The following LAMA2 variants were observed in gnomAD, a reference collection of about 807,000 sequenced individuals.
The protein encoded by LAMA2 is laminin subunit alpha 2, also known as laminin subunit alpha-2.
LAMA2 carries 269 observed loss-of-function variants against 364.8 expected under a neutral mutation model. The observed-to-expected ratio is 0.74, with a 90% CI of 0.67 to 0.82. LAMA2 has a LOEUF of 0.82. LAMA2 is among the 40% of genes least tolerant of loss of function. LAMA2 has a pLI of 0.00. For missense variants in LAMA2, 3,807 were observed against 3,873.2 expected, an observed-to-expected ratio of 0.98 and a Z score of 0.45; for synonymous variants, 1,379 against 1,370.6, an observed-to-expected ratio of 1.01 and a Z score of -0.14.
intron 12 of LAMA2, among the ~76,000 whole-genome samples, chr6:129,201,928 G>A (rs1450909843): frequency 6.6e-6 from 1 of 152,096 alleles, no homozygotes; most frequent in Non-Finnish European, 1.5e-5. Context: ...GGTGGCTCAT[G>A]CCTGTAATCC....
chr6:129,124,347 T>A (rs1243115047), intron 4 of LAMA2, among the ~76,000 whole-genome samples: 1 of 152,186 alleles, frequency 6.6e-6, no homozygotes, highest in Non-Finnish European at 1.5e-5. Flanking sequence ...AAGGGTAGGT[T>A]TACTCATAGC....
intron 18 of LAMA2, 52 bp from the exon 19 acceptor site, chr6:129,287,795 T>G: frequency 7.3e-7 from 1 of 1,375,676 alleles, no homozygotes; most frequent in Non-Finnish European, 1.0e-6. Flanking sequence ...ATGTAAACAT[T>G]GCCCCAACTG....
In LAMA2 at chr6:129,053,161, C is replaced by T. The variant is rs1266699545; in HGVS notation, c.283+3073C>T. 3.3e-5 allele frequency among the ~76,000 whole-genome samples: 5 copies of T among 152,226 alleles called. No individual in the cohort carries two copies. The East Asian group carries it at 9.6e-4, about 29-fold the overall frequency. ...TGGCACGACCTCGGCTCACCGCAACCTCCGCCTCCCGGGTTCAAGAGATTC... is the reference window on the plus strand; with the variant it reads ...TGGCACGACCTCGGCTCACCGCAACTTCCGCCTCCCGGGTTCAAGAGATTC... On this transcript the variant is annotated intron_variant, in intron 2 of 64. Transcript: ENST00000421865.
chr6:129,139,694 C>T (rs936038543), intron 4 of LAMA2, among the ~76,000 whole-genome samples: 4 of 151,912 alleles, frequency 2.6e-5, no homozygotes, highest in Non-Finnish European at 5.9e-5. Flanking sequence ...GTTATTTCTC[C>T]CCAAATAATG....
chr6:129,482,958 T>C (rs1219524225), intron 55 of LAMA2, among the ~76,000 whole-genome samples: 2 of 151,590 alleles, frequency 1.3e-5, no homozygotes, highest in Non-Finnish European at 2.9e-5. Flanking sequence ...TCCCAGTTAC[T>C]TGGGAGGCTG....
chr6:128,893,429 TA>T (rs1368751879), intron 1 of LAMA2, among the ~76,000 whole-genome samples: 1 of 151,850 alleles, frequency 6.6e-6, no homozygotes, highest in East Asian at 1.9e-4. Flanking sequence ...TATGTATTAA[TA>T]ATGTTGTTAA....
chr6:129,187,809 GC>G (rs771670968), intron 10 of LAMA2, among the ~76,000 whole-genome samples: 2 of 151,694 alleles, frequency 1.3e-5, no homozygotes, highest in Non-Finnish European at 3.0e-5. Flanking sequence ...TCATATAGGT[GC>G]CCCCAAAGTT....
intron 1 of LAMA2, among the ~76,000 whole-genome samples, chr6:129,009,883 AG>A (rs1784660965): frequency 6.6e-6 from 1 of 152,156 alleles, no homozygotes; most frequent in Admixed American, 6.6e-5. Context: ...ATTATATGGC[AG>A]GATCCTCTTT....
chr6:129,022,573 A>T (rs1402630203), intron 1 of LAMA2, among the ~76,000 whole-genome samples: 1 of 152,208 alleles, frequency 6.6e-6, no homozygotes, highest in East Asian at 1.9e-4. Flanking sequence ...TTGACATAGT[A>T]CTGACAGCCT....
chr6:129,341,182 A>G (rs2114565599), intron 29 of LAMA2, among the ~76,000 whole-genome samples: 1 of 152,344 alleles, frequency 6.6e-6, no homozygotes, highest in East Asian at 1.9e-4. Context: ...TAGAAGACAC[A>G]TGAAACATAA....
chr6:129,470,242 C>CA (rs975537610), intron 51 of LAMA2, among the ~76,000 whole-genome samples: 28 of 150,074 alleles, frequency 1.9e-4, no homozygotes, highest in Non-Finnish European at 2.4e-4. Flanking sequence ...ATAAGACCAA[C>CA]AAAAAAAAGT....
At chr6:129,085,871 G>A (rs1290873321) in intron 3 of LAMA2, among the ~76,000 whole-genome samples, 1 of 152,178 alleles carries the variant, frequency 6.6e-6, no homozygotes, top group African/African-American at 2.4e-5. Flanking sequence ...TCTTAAAAAT[G>A]GTAGCTTTTC....
intron 20 of LAMA2, among the ~76,000 whole-genome samples, chr6:129,295,297 T>C (rs192327258): frequency 1.1e-5 from 1 of 94,916 alleles, no homozygotes; most frequent in African/African-American, 3.3e-5. Flanking sequence ...AGAATTGTGC[T>C]TTGCAAAAAG....
At chr6:129,150,853 T>C (rs1778750744) in intron 7 of LAMA2, among the ~76,000 whole-genome samples, 1 of 152,182 alleles carries the variant, frequency 6.6e-6, no homozygotes. Flanking sequence ...CCAATCACCT[T>C]AATATTTAGA....
chr6:128,962,179 T>TACACACAC (rs1397480108), intron 1 of LAMA2, among the ~76,000 whole-genome samples: 4 of 120,244 alleles, frequency 3.3e-5, no homozygotes, highest in African/African-American at 1.5e-4. Flanking sequence ...TATATATATA[T>TACACACAC]ATATATACAC....
chr6:129,291,815 G>A, intron 20 of LAMA2, 95 bp downstream of exon 20: 1 of 830,892 alleles, frequency 1.2e-6, no homozygotes, highest in Non-Finnish European at 2.0e-6. Context: ...ATATTAAAAG[G>A]AAGGTTTGGG....
At chr6:129,201,045 C>G (rs961255867) in intron 12 of LAMA2, among the ~76,000 whole-genome samples, 3 of 152,126 alleles carry the variant, frequency 2.0e-5, no homozygotes, top group South Asian at 2.1e-4. Flanking sequence ...ATTTCCTTAT[C>G]TACCTTAAAC....
intron 33 of LAMA2, 136 bp from the exon 34 acceptor site, chr6:129,369,755 CA>C: frequency 2.7e-6 from 2 of 740,742 alleles, no homozygotes; most frequent in Non-Finnish European, 2.4e-6. Flanking sequence ...TGTAAGTGCC[CA>C]GTTGAAATAG....
chr6:129,155,435 G>A (rs1431366911), intron 8 of LAMA2, among the ~76,000 whole-genome samples: 1 of 152,026 alleles, frequency 6.6e-6, no homozygotes, highest in African/African-American at 2.4e-5. Flanking sequence ...CATCTAGTGG[G>A]TGTGAAATGG....
Sources: allele counts gnomAD v4.1 joint callset (sites outside exome capture counted in the v4.1 genomes callset), GRCh38; gene constraint gnomAD v4.1.1; transcripts MANE v1.5; gene names NCBI Gene and HGNC (gene_info 2026-07-23, HGNC 2026-07-21).